KCNB2: variants seen among roughly 807,000 people sequenced by gnomAD.
The protein encoded by KCNB2 is delayed rectifier potassium channel protein.
A neutral mutation model predicts 61.5 loss-of-function variants in KCNB2; 15 were observed. The observed-to-expected ratio is 0.24, with a 90% CI of 0.16 to 0.38. The LOEUF (loss-of-function observed/expected upper bound fraction) is 0.38. Among genes scored for constraint, KCNB2 ranks in the 10% least tolerant of loss-of-function variants. The pLI is 1.00. For missense variants in KCNB2, 828 were observed against 1,125.2 expected (o/e 0.74, Z 3.78); for synonymous variants, 457 against 446.0 (o/e 1.02, Z -0.31).
chr8:72,702,644 T>C (rs991091866), intron 2 of KCNB2, among the ~76,000 whole-genome samples: 1 of 152,176 alleles, frequency 6.6e-6, no homozygotes, highest in African/African-American at 2.4e-5. Context: ...GTGGAAATAT[T>C]GAACCATGAT....
chr8:72,875,127 C>A, intron 2 of KCNB2: 1 of 152,414 alleles, frequency 6.6e-6, no homozygotes, highest in Non-Finnish European at 1.5e-5. Context: ...AACACACACC[C>A]CCAGCCTCCT....
At chr8:72,848,942 AAAGTT>A (rs1243873422) in intron 2 of KCNB2, among the ~76,000 whole-genome samples, 9 of 151,654 alleles carry the variant, frequency 5.9e-5, no homozygotes, top group African/African-American at 1.9e-4. Flanking sequence ...AATTTAACAT[AAAGTT>A]ATTACACTTT....
intron 1 of KCNB2, among the ~76,000 whole-genome samples, chr8:72,540,293 G>C (rs561838956): frequency 1.8e-4 from 27 of 152,022 alleles, no homozygotes; most frequent in Non-Finnish European, 2.5e-4. Context: ...TCTTAACGTT[G>C]ATAGGAAATC....
At chr8:72,834,507 AC>A (rs1306303602) in intron 2 of KCNB2, among the ~76,000 whole-genome samples, 1 of 152,186 alleles carries the variant, frequency 6.6e-6, no homozygotes, top group Non-Finnish European at 1.5e-5. Context: ...ACTGACAGGA[AC>A]TCAAATAATT....
chr8:72,651,351 G>A (rs2128986441), intron 2 of KCNB2, among the ~76,000 whole-genome samples: 1 of 152,212 alleles, frequency 6.6e-6, no homozygotes, highest in East Asian at 1.9e-4. Flanking sequence ...GGAATAATAA[G>A]CAATTTTGTC....
chr8:72,903,698 C>T (rs928551045), intron 2 of KCNB2, among the ~76,000 whole-genome samples: 4 of 152,124 alleles, frequency 2.6e-5, no homozygotes, highest in Non-Finnish European at 5.9e-5. Flanking sequence ...ACTCTAAATC[C>T]AATGTCATCT....
At position 72,627,661 on chromosome 8, in the gene KCNB2, TCAAACATCTGCCAG is replaced by T. The variant is rs1805810903; in HGVS notation, c.579+59350_579+59363del. Among the ~76,000 whole-genome samples, 4 of 152,178 alleles carry T rather than the reference TCAAACATCTGCCAG, an allele frequency of 2.6e-5. No individual in the cohort carries two copies. The South Asian group carries it at 8.3e-4, about 32-fold the overall frequency. Reference sequence around the variant, plus strand: ...TGCAAATTGCACACAGGCTCACACCTCAAACATCTGCCAGCTACCTCTGCTCACCATGTGCTTTG... The same window carrying T: ...TGCAAATTGCACACAGGCTCACACCTCTACCTCTGCTCACCATGTGCTTTG... On this transcript the variant is annotated intron_variant, in intron 2 of 2. Transcript: ENST00000523207.
chr8:72,924,550 T>C (rs567824666), intron 2 of KCNB2, among the ~76,000 whole-genome samples: 1 of 152,278 alleles, frequency 6.6e-6, no homozygotes, highest in South Asian at 2.1e-4. Flanking sequence ...ACATTTTGAA[T>C]GACAAGGCCT....
intron 2 of KCNB2, among the ~76,000 whole-genome samples, chr8:72,611,890 A>T (rs967214627): frequency 2.0e-5 from 3 of 152,174 alleles, no homozygotes; most frequent in African/African-American, 7.2e-5. Context: ...AAATGGGAAC[A>T]ATAGGATTTG....
At position 72,844,248 on chromosome 8, in the gene KCNB2, G is replaced by A. The variant is rs528468024; in HGVS notation, c.580-91687G>A. 4.1e-3 allele frequency among the ~76,000 whole-genome samples: 618 copies of A among 152,192 alleles called. 4 individuals carry two copies. The highest frequency in any genetic ancestry group is 5.2e-3 in the Non-Finnish European group (355 of 68,006). ...CTGGGTTGAAAATTCTTTTCTTTAAGGATGTTGAATATTGGCCCCCACTCT... is the reference window on the plus strand; with the variant it reads ...CTGGGTTGAAAATTCTTTTCTTTAAAGATGTTGAATATTGGCCCCCACTCT... On this transcript the variant is annotated intron_variant, in intron 2 of 2. Coordinates refer to ENST00000523207, the MANE Select transcript of KCNB2 (RefSeq NM_004770.3).
chr8:72,653,888 T>G (rs1382007163), intron 2 of KCNB2, among the ~76,000 whole-genome samples: 2 of 152,234 alleles, frequency 1.3e-5, no homozygotes, highest in African/African-American at 4.8e-5. Context: ...AATTTGGTTT[T>G]AGGATTGACA....
intron 2 of KCNB2, among the ~76,000 whole-genome samples, chr8:72,884,628 G>T (rs187010031): frequency 6.6e-6 from 1 of 152,226 alleles, no homozygotes; most frequent in Admixed American, 6.5e-5. Flanking sequence ...ATTTGTGTGT[G>T]TTGGGAAATA....
chr8:72,672,225 AT>A (rs1806576702), intron 2 of KCNB2, among the ~76,000 whole-genome samples: 1 of 152,218 alleles, frequency 6.6e-6, no homozygotes, highest in Non-Finnish European at 1.5e-5. Context: ...TTACAAAATT[AT>A]TGCATTAAAT....
chr8:72,854,825 A>G (rs1810179796), intron 2 of KCNB2, among the ~76,000 whole-genome samples: 1 of 152,158 alleles, frequency 6.6e-6, no homozygotes, highest in Admixed American at 6.5e-5. Context: ...GTCAAATGTT[A>G]CAGGTCAGGT....
chr8:72,868,225 T>C (rs1225942216), intron 2 of KCNB2, among the ~76,000 whole-genome samples: 1 of 150,308 alleles, frequency 6.7e-6, no homozygotes, highest in African/African-American at 2.4e-5. Context: ...CATAAGCCAC[T>C]GCACCCAGCC....
chr8:72,627,845 A>G (rs968459853), intron 2 of KCNB2, among the ~76,000 whole-genome samples: 2 of 152,330 alleles, frequency 1.3e-5, no homozygotes, highest in African/African-American at 4.8e-5. Flanking sequence ...AAGATAAAAT[A>G]TAGTATTTAT....
At chr8:72,721,374 G>A (rs1807546106) in intron 2 of KCNB2, among the ~76,000 whole-genome samples, 1 of 152,172 alleles carries the variant, frequency 6.6e-6, no homozygotes, top group African/African-American at 2.4e-5. Flanking sequence ...TAAAATAGAA[G>A]CGTCATGAGG....
chr8:72,759,797 A>G (rs1467764537), intron 2 of KCNB2, among the ~76,000 whole-genome samples: 1 of 152,174 alleles, frequency 6.6e-6, no homozygotes, highest in African/African-American at 2.4e-5. Context: ...ATCATCATTC[A>G]TGGGAGGATT....
In KCNB2 at chr8:72,853,728, C is replaced by T. The variant is rs1810158690; in HGVS notation, c.580-82207C>T. ...ACTAAAACCAATGCTAATAAAGTGA[C>T]TCTTGTAATTCTCTGAGAGTTGATG... is the stretch of plus-strand genomic sequence containing the variant. On this transcript the variant is annotated intron_variant, in intron 2 of 2. Transcript: ENST00000523207. 3.3e-5 allele frequency among the ~76,000 whole-genome samples: 5 copies of T among 152,268 alleles called. 1 individual carries two copies. In the South Asian group the frequency reaches 1.0e-3, roughly 32 times the overall value.
Sources: gnomAD v4.1 joint callset for allele counts (sites outside exome capture counted in the v4.1 genomes callset) on GRCh38, gnomAD v4.1.1 for gene constraint, MANE v1.5 for transcripts, NCBI Gene and HGNC (gene_info 2026-07-23, HGNC 2026-07-21) for gene names.